KMT2C: variants seen among roughly 807,000 people sequenced by gnomAD.
The protein encoded by KMT2C is lysine methyltransferase 2C.
KMT2C carries 88 observed loss-of-function variants against 507.9 expected under a neutral mutation model. That is an observed-to-expected ratio of 0.17 (90% CI 0.15 to 0.21). The LOEUF (loss-of-function observed/expected upper bound fraction) is 0.21, where lower values mean the gene tolerates loss of function less well. KMT2C is among the 10% of genes least tolerant of loss of function. KMT2C has a pLI of 1.00. For missense variants in KMT2C, 4,954 were observed against 5,957.8 expected (o/e 0.83, Z 5.55); for synonymous variants, 2,049 against 2,080.8 (o/e 0.98, Z 0.42).
Position 152,176,518 on chromosome 7 carries a change from C to T in KMT2C, c.8935G>A (p.Val2979Ile), listed in dbSNP as rs2129113189. 6.2e-7 allele frequency: 1 copy of T among 1,614,124 alleles called. No homozygotes were observed. Among genetic ancestry groups the T allele is most frequent in the South Asian group, 1.1e-5 (1 of 91,084 alleles). Reference protein sequence around the residue: ...MNSNVTVVSRVNHVFSQGVQV... With the variant: ...MNSNVTVVSRINHVFSQGVQV... The stretch of plus-strand genomic sequence containing the variant: ...ACACCCTGAGAAAAAACATGGTTTA[C>T]CCTAGAGACTACTGTCACATTAGAA... The change falls in exon 38 of 59, where the codon GTA becomes ATA. Residue 2979 changes from valine (V) to isoleucine (I), a missense_variant. By Grantham distance (29) the Val-to-Ile change is conservative. Transcript: ENST00000262189.
chr7:152,233,553 A>G (rs779777798), intron 16 of KMT2C, among the ~76,000 whole-genome samples: 14 of 152,220 alleles, frequency 9.2e-5, no homozygotes, highest in Admixed American at 2.6e-4. Context: ...AAAATAGACA[A>G]AAGTCCATGA....
chr7:152,154,570 C>T lies in KMT2C; in HGVS notation c.11961-125G>A, dbSNP rs1427264085. 2.1e-5 allele frequency: 15 copies of T among 711,012 alleles called. No homozygotes were observed. The Admixed American group carries it at 4.1e-4, about 19-fold the overall frequency. The allele number at this position is 711,012 out of a possible 1,614,324, so 44.0% of individuals were successfully genotyped here. A position where few individuals can be genotyped will look rare whatever the true frequency, so the allele number is the denominator to read the frequency against. ...CTCTGGGCAGCACCTATACGATGAGCAGCAAATGAATCAGCTCAGAGCCAC... is the reference window on the plus strand; with the variant it reads ...CTCTGGGCAGCACCTATACGATGAGTAGCAAATGAATCAGCTCAGAGCCAC... On this transcript the variant is annotated intron_variant, in intron 46 of 58. Transcript: ENST00000262189.
Position 152,146,675 on chromosome 7 carries a change from T to C in KMT2C, c.13955A>G (p.Gln4652Arg), listed in dbSNP as rs1367775137. 8.1e-6 allele frequency: 13 copies of C among 1,614,024 alleles called. No homozygotes were observed. The highest frequency in any genetic ancestry group is 1.1e-5 in the Non-Finnish European group (13 of 1,179,984). Residue 4652 changes from glutamine to arginine, a missense_variant, in exon 53 of 59, where the codon CAG becomes CGG. Coordinates refer to ENST00000262189, the MANE Select transcript of KMT2C (RefSeq NM_170606.3). ...TCCTTTTAAATACGCTGGGAAAAGC[T>C]GGAGCATTTCAGACTTTTTTCTCAC... ...ACVRKKSEML[Q>R]LFPAYLKGED...
intron 23 of KMT2C, 38 bp from the exon 24 acceptor site, chr7:152,207,466 C>A (rs2129138699): frequency 6.5e-7 from 1 of 1,527,534 alleles, no homozygotes; most frequent in Non-Finnish European, 8.9e-7. Flanking sequence ...ACTGGAAAAA[C>A]CTATCAAATA....
intron 1 of KMT2C, among the ~76,000 whole-genome samples, chr7:152,418,362 G>C (rs1195983833): frequency 2.6e-5 from 4 of 152,182 alleles, no homozygotes; most frequent in African/African-American, 4.8e-5. Context: ...AGTAACAAAA[G>C]GCAGTAGGGT....
intron 2 of KMT2C, among the ~76,000 whole-genome samples, chr7:152,339,326 G>A (rs891907707): frequency 6.6e-6 from 1 of 152,202 alleles, no homozygotes; most frequent in Non-Finnish European, 1.5e-5. Context: ...AACAAGCACA[G>A]TGGTATTGGT....
chr7:152,346,146 G>A (rs929641860), intron 2 of KMT2C, among the ~76,000 whole-genome samples: 1 of 152,144 alleles, frequency 6.6e-6, no homozygotes, highest in Non-Finnish European at 1.5e-5. Context: ...CACTATTATC[G>A]TTGGAAAGTT....
At chr7:152,377,936 A>G (rs1313198455) in intron 1 of KMT2C, among the ~76,000 whole-genome samples, 3 of 152,210 alleles carry the variant, frequency 2.0e-5, no homozygotes, top group Non-Finnish European at 4.4e-5. Context: ...TCAAGACTCA[A>G]GTGGAGGAAG....
chr7:152,399,420 CTAAAG>C (rs2097557640), intron 1 of KMT2C, among the ~76,000 whole-genome samples: 1 of 151,984 alleles, frequency 6.6e-6, no homozygotes, highest in African/African-American at 2.4e-5. Flanking sequence ...GAGATCTCTT[CTAAAG>C]TAAAGAAACT....
Position 152,181,161 on chromosome 7 carries a change from A to G in KMT2C, c.6699T>C (p.Phe2233=). 6.2e-7 allele frequency: 1 copy of G among 1,614,150 alleles called. No individual in the cohort carries two copies. The highest frequency in any genetic ancestry group is 1.3e-5 in the African/African-American group (1 of 75,038). ...CTGGTCTTGTCATTGAGGACCTAGTAAAACCCTCTGAAATCCTTGGCCTTG... is the reference window on the plus strand; with the variant it reads ...CTGGTCTTGTCATTGAGGACCTAGTGAAACCCTCTGAAATCCTTGGCCTTG... ...ATPRPRISEG[F]TRSSMTRPVL... is the part of the protein sequence containing the mutation. Residue 2233 remains phenylalanine, a synonymous_variant, in exon 36 of 59, where the codon TTT becomes TTC. Coordinates refer to ENST00000262189, the MANE Select transcript of KMT2C (RefSeq NM_170606.3).
chr7:152,359,020 T>C (rs1047691240), intron 1 of KMT2C, among the ~76,000 whole-genome samples: 1 of 152,188 alleles, frequency 6.6e-6, no homozygotes, highest in Non-Finnish European at 1.5e-5. Context: ...ACATAATGGG[T>C]TCTTCACAAA....
chr7:152,334,831 C>T (rs2096919327), intron 2 of KMT2C, among the ~76,000 whole-genome samples: 1 of 152,168 alleles, frequency 6.6e-6, no homozygotes, highest in South Asian at 2.1e-4. Context: ...CAGCCTATAC[C>T]TCTCCATCCT....
rs1588609941 is a variant in KMT2C, at chr7:152,252,657, C to T, written c.1358G>A (p.Cys453Tyr). 6.2e-7 allele frequency: 1 copy of T among 1,613,374 alleles called. No individual in the cohort carries two copies. Residue 453 changes from cysteine (C) to tyrosine (Y), a missense_variant, in exon 10 of 59, where the codon TGC becomes TAC. By Grantham distance (194) the Cys-to-Tyr change is radical (BLOSUM62 -2). Around this residue, in one of 29 missense-constraint regions of KMT2C, gnomAD observed 376 missense variants for 352.4 expected, o/e 1.07. Coordinates refer to ENST00000262189, the MANE Select transcript of KMT2C (RefSeq NM_170606.3). ...TTGGTAACAATTGTCACATATCAGG[C>T]AATTGTGGTGCCACTGAGAACTAGA... ...TRSSSQWHHNCLICDNCYQQQ... is the reference protein window; with the variant it reads ...TRSSSQWHHNYLICDNCYQQQ...
Position 152,180,902 on chromosome 7 carries a change from G to A in KMT2C, c.6958C>T (p.His2320Tyr), listed in dbSNP as rs887554056. The A allele has an allele frequency of 1.2e-6, 2 of 1,614,030 alleles. No homozygotes were observed. Among genetic ancestry groups the A allele is most frequent in the African/African-American group, 1.3e-5 (1 of 74,918 alleles). ...SDSFGTSQTAHDVADQPRPGS... is the reference protein window; with the variant it reads ...SDSFGTSQTAYDVADQPRPGS... ...GGCCTTGGCTGATCAGCAACATCATGGGCAGTTTGACTTGTTCCAAAAGAG... is the reference window on the plus strand; with the variant it reads ...GGCCTTGGCTGATCAGCAACATCATAGGCAGTTTGACTTGTTCCAAAAGAG... Residue 2320 changes from histidine (H) to tyrosine (Y), a missense_variant, in exon 36 of 59, where the codon CAT (histidine) becomes TAT (tyrosine). His to Tyr is a moderately conservative substitution (Grantham distance 83). Transcript: ENST00000262189.
At chr7:152,183,217 T>C in intron 34 of KMT2C, 61 bp from the exon 35 acceptor site, 4 of 1,290,422 alleles carry the variant, frequency 3.1e-6, no homozygotes, top group Non-Finnish European at 4.2e-6. Flanking sequence ...AGGAATAAAA[T>C]AAAACTATCA....
intron 1 of KMT2C, among the ~76,000 whole-genome samples, chr7:152,415,278 T>C (rs1463141629): frequency 2.6e-5 from 4 of 152,228 alleles, no homozygotes; most frequent in Non-Finnish European, 2.9e-5. Flanking sequence ...TGAACAAAAA[T>C]AGACATTAAA....
At chr7:152,418,625 T>C (rs1053191543) in intron 1 of KMT2C, among the ~76,000 whole-genome samples, 3 of 151,300 alleles carry the variant, frequency 2.0e-5, no homozygotes, top group African/African-American at 7.3e-5. Flanking sequence ...ACAGAGGGGG[T>C]TTCACTATGT....
Position 152,257,886 on chromosome 7 carries a change from A to ACACAC in KMT2C, c.1299+5129_1299+5130insGTGTG, listed in dbSNP as rs2095688236. Among the ~76,000 whole-genome samples, 402 of 147,878 alleles carry ACACAC rather than the reference A, an allele frequency of 2.7e-3. 1 individual carries two copies. The highest frequency in any genetic ancestry group is 0.01 in the African/African-American group (388 of 37,698). On this transcript the variant is annotated intron_variant, in intron 9 of 58. Transcript: ENST00000262189. Reference sequence around the variant, plus strand: ...ACACGCACACACACACACACACACAAAAAAAACACCTCATAATGTTTTAAG... The same window carrying ACACAC: ...ACACGCACACACACACACACACACAACACACAAAAAACACCTCATAATGTTTTAAG...
chr7:152,323,192 C>A (rs142478948), intron 3 of KMT2C, among the ~76,000 whole-genome samples: 1 of 151,870 alleles, frequency 6.6e-6, no homozygotes, highest in Non-Finnish European at 1.5e-5. Flanking sequence ...TCCAAAGGAA[C>A]TGAAATCAAT....
Sources: allele counts gnomAD v4.1 joint callset (sites outside exome capture counted in the v4.1 genomes callset), GRCh38; gene constraint gnomAD v4.1.1; regional missense constraint gnomAD v4.1.1; transcripts MANE v1.5; gene names NCBI Gene and HGNC (gene_info 2026-07-23, HGNC 2026-07-21).